Variants in DRC11 observed in about 807,000 individuals in gnomAD.
DRC11 encodes IQ and AAA domain-containing protein 1.
chr2:236,368,095 G>T, the DRC11 span: 1 of 763,868 alleles, frequency 1.3e-6, no homozygotes, highest in Non-Finnish European at 2.3e-6. Flanking sequence ...AAGTTAAGGA[G>T]CACTGTACTT....
the DRC11 span, among the ~76,000 whole-genome samples, chr2:236,355,132 G>A: frequency 2.0e-5 from 3 of 152,322 alleles, no homozygotes; most frequent in South Asian, 2.1e-4. Context: ...GACTGACACC[G>A]ATGTTCCAGG....
At chr2:236,480,022 G>GTTTT in the DRC11 span, among the ~76,000 whole-genome samples, 1 of 135,416 alleles carries the variant, frequency 7.4e-6, no homozygotes, top group African/African-American at 2.7e-5. Context: ...TGGTTGACAG[G>GTTTT]TTTTTTTTTT....
chr2:236,431,893 T>A, the DRC11 span, among the ~76,000 whole-genome samples: 1,080 of 152,340 alleles, frequency 7.1e-3, 8 homozygotes, highest in Non-Finnish European at 0.013. The surrounding 1 kb of genome is among the most constrained non-coding windows in gnomAD (Gnocchi z 4.2). Context: ...CTATGAACAT[T>A]CATGTACAAA....
chr2:236,388,209 G>A, the DRC11 span, among the ~76,000 whole-genome samples: 1 of 151,886 alleles, frequency 6.6e-6, no homozygotes, highest in African/African-American at 2.4e-5. Flanking sequence ...ACGTTGACCT[G>A]CCTTGCTAGA....
the DRC11 span, among the ~76,000 whole-genome samples, chr2:236,446,907 G>A: frequency 6.6e-6 from 1 of 151,914 alleles, no homozygotes; most frequent in Non-Finnish European, 1.5e-5. The surrounding 1 kb of genome is among the most constrained non-coding windows in gnomAD (Gnocchi z 6.2). Flanking sequence ...GACTGCGGCT[G>A]CTGGGCGTGG....
At chr2:236,411,751 A>G in the DRC11 span, among the ~76,000 whole-genome samples, 1 of 148,144 alleles carries the variant, frequency 6.8e-6, no homozygotes, top group Non-Finnish European at 1.5e-5. Context: ...TTGTAGGGAC[A>G]TGGATGAAAT....
At chr2:236,471,198 G>C in the DRC11 span, among the ~76,000 whole-genome samples, 1 of 152,202 alleles carries the variant, frequency 6.6e-6, no homozygotes, top group East Asian at 1.9e-4. The surrounding 1 kb of genome is among the most constrained non-coding windows in gnomAD (Gnocchi z 4.6). Context: ...GAAGTGGCTG[G>C]GGCTTTGGCC....
the DRC11 span, among the ~76,000 whole-genome samples, chr2:236,369,651 T>C: frequency 1.6e-4 from 25 of 152,244 alleles, no homozygotes; most frequent in Admixed American, 6.5e-4. The surrounding 1 kb of genome is among the most constrained non-coding windows in gnomAD (Gnocchi z 4.5). Context: ...AAACAAATTA[T>C]ATTCAGTTGA....
chr2:236,373,204 T>A, the DRC11 span, among the ~76,000 whole-genome samples: 28,605 of 151,882 alleles, frequency 0.19, 2,969 homozygotes, highest in Non-Finnish European at 0.23. Context: ...GGTTTTACTC[T>A]TTCTATTTTA....
chr2:236,322,773 C>T, the DRC11 span, among the ~76,000 whole-genome samples: 1 of 152,216 alleles, frequency 6.6e-6, no homozygotes, highest in Non-Finnish European at 1.5e-5. Flanking sequence ...GTACATCAGT[C>T]ACACCAGCCA....
the DRC11 span, among the ~76,000 whole-genome samples, chr2:236,335,390 A>G: frequency 6.6e-6 from 1 of 152,220 alleles, no homozygotes; most frequent in African/African-American, 2.4e-5. The surrounding 1 kb of genome is among the most constrained non-coding windows in gnomAD (Gnocchi z 5.6). Flanking sequence ...TCACTCCCCA[A>G]GACAGAAATA....
At chr2:236,464,567 T>A in the DRC11 span, among the ~76,000 whole-genome samples, 1 of 152,220 alleles carries the variant, frequency 6.6e-6, no homozygotes, top group Non-Finnish European at 1.5e-5. Context: ...CATTTAACAT[T>A]TCATTTAAGA....
chr2:236,388,103 T>G, the DRC11 span, among the ~76,000 whole-genome samples: 8 of 152,182 alleles, frequency 5.3e-5, no homozygotes, highest in African/African-American at 1.9e-4. Context: ...CATTTTTTCC[T>G]TCATTTCAAC....
At chr2:236,432,648 T>TA in the DRC11 span, among the ~76,000 whole-genome samples, 1 of 152,168 alleles carries the variant, frequency 6.6e-6, no homozygotes, top group Admixed American at 6.5e-5. Flanking sequence ...CCTTACATAT[T>TA]AGAAGAAAGG....
At chr2:236,478,144 G>A in the DRC11 span, among the ~76,000 whole-genome samples, 2 of 151,824 alleles carry the variant, frequency 1.3e-5, no homozygotes, top group South Asian at 2.1e-4. This position sits in a 1 kb window ranked among gnomAD's most constrained non-coding sequence, Gnocchi z 5.9. Flanking sequence ...CTATTAGGTT[G>A]TTTGAGCTCT....
chr2:236,441,154 G>A, the DRC11 span: 4,196 of 1,401,096 alleles, frequency 3.0e-3, 104 homozygotes, highest in African/African-American at 0.051. Context: ...AAATTAAAAT[G>A]GAAATGAAGT....
chr2:236,390,181 T>C, the DRC11 span, among the ~76,000 whole-genome samples: 1 of 152,242 alleles, frequency 6.6e-6, no homozygotes, highest in Non-Finnish European at 1.5e-5. The surrounding 1 kb of genome is among the most constrained non-coding windows in gnomAD (Gnocchi z 5.9). Context: ...TATATAATTG[T>C]TATATCTTCC....
chr2:236,357,809 A>G, the DRC11 span, among the ~76,000 whole-genome samples: 2 of 125,136 alleles, frequency 1.6e-5, no homozygotes, highest in Non-Finnish European at 3.1e-5. Context: ...ATATAAATAT[A>G]GAATATATAA....
chr2:236,383,633 ATTT>A, the DRC11 span, among the ~76,000 whole-genome samples: 62 of 122,662 alleles, frequency 5.1e-4, no homozygotes, highest in African/African-American at 1.8e-3. Flanking sequence ...TTGTGTGGTC[ATTT>A]TTTTTTTTTT....
Sources: allele counts gnomAD v4.1 joint callset (sites outside exome capture counted in the v4.1 genomes callset), GRCh38; gene constraint gnomAD v4.1.1; non-coding constraint Gnocchi (gnomAD v3.1); transcripts MANE v1.5; gene names NCBI Gene and HGNC (gene_info 2026-07-23, HGNC 2026-07-21).